Variants in IMPA2 observed in about 807,000 individuals in gnomAD.
The protein encoded by IMPA2 is IMP 2.
In IMPA2, 32 loss-of-function variants were observed where a neutral mutation model predicts 35.1. That is an observed-to-expected ratio of 0.91 (90% CI 0.69 to 1.23). The LOEUF is 1.23. IMPA2 is among the 50% of genes most tolerant of loss of function. The pLI is 0.00. For missense variants in IMPA2, 334 were observed against 387.6 expected, an observed-to-expected ratio of 0.86 and a Z score of 1.16; for synonymous variants, 135 against 160.6, an observed-to-expected ratio of 0.84 and a Z score of 1.20.
At chr18:11,990,904 G>A (rs1016604182) in intron 1 of IMPA2, among the ~76,000 whole-genome samples, 3 of 152,180 alleles carry the variant, frequency 2.0e-5, no homozygotes, top group Admixed American at 1.3e-4. Flanking sequence ...TTAACGTGGA[G>A]AATAATTTTT....
At chr18:11,983,992 T>G (rs1246098661) in intron 1 of IMPA2, among the ~76,000 whole-genome samples, 1 of 152,116 alleles carries the variant, frequency 6.6e-6, no homozygotes, top group Non-Finnish European at 1.5e-5. Flanking sequence ...ATGCTCACCC[T>G]TCACTAGCAC....
chr18:11,983,714 C>G (rs918854715), intron 1 of IMPA2, among the ~76,000 whole-genome samples: 12 of 152,080 alleles, frequency 7.9e-5, no homozygotes, highest in Non-Finnish European at 1.6e-4. Context: ...GGGGCTCCCC[C>G]TCAGGCATTA....
At chr18:12,018,565 A>C (rs1907644490) in intron 5 of IMPA2, among the ~76,000 whole-genome samples, 1 of 152,040 alleles carries the variant, frequency 6.6e-6, no homozygotes, top group African/African-American at 2.4e-5. Context: ...ACCCATTCAT[A>C]CTCCTAAAAA....
rs111479640 is a variant in IMPA2, at chr18:11,991,621, G to A, written c.97-7433G>A. ...AGGGTGGGCTGGCAGCTGGAGACGC[G>A]GAGAGACAGCTGATGTTCCAGTTTG... On this transcript the variant is annotated intron_variant, in intron 1 of 7. Coordinates refer to ENST00000269159, the MANE Select transcript of IMPA2 (RefSeq NM_014214.3). The surrounding 1 kb of genome is among the most constrained non-coding windows in gnomAD (Gnocchi z 4.1). 1.9e-3 allele frequency among the ~76,000 whole-genome samples: 294 copies of A among 152,302 alleles called. 1 individual carries two copies. The highest frequency in any genetic ancestry group is 6.6e-3 in the African/African-American group (276 of 41,562).
chr18:11,981,993 G>A (rs1055541100), intron 1 of IMPA2, among the ~76,000 whole-genome samples: 5 of 152,252 alleles, frequency 3.3e-5, no homozygotes, highest in Non-Finnish European at 7.3e-5. Flanking sequence ...CCTCTGCTTT[G>A]GAGTTCAGCG....
intron 5 of IMPA2, 86 bp from the exon 6 acceptor site, chr18:12,027,957 A>G: frequency 2.5e-6 from 2 of 813,430 alleles, no homozygotes; most frequent in Non-Finnish European, 4.2e-6. Context: ...TACTCTGAGA[A>G]AGAAAGGCTC....
chr18:12,017,061 C>T (rs1195018870), intron 5 of IMPA2, among the ~76,000 whole-genome samples: 3 of 152,196 alleles, frequency 2.0e-5, no homozygotes, highest in Admixed American at 2.0e-4. Context: ...CTTCCCCTTT[C>T]TTATTTCTAT....
rs560220253 is a variant in IMPA2, at chr18:11,986,916, A to G, written c.96+5151A>G. On this transcript the variant is annotated intron_variant, in intron 1 of 7. Transcript: ENST00000269159. ...GCCATGCAGATGTAACTCATGGTTC[A>G]GCCCGGCAGTGTATTCCTTTCTTTC... Among the ~76,000 whole-genome samples, 11 of 152,368 alleles carry G rather than the reference A, an allele frequency of 7.2e-5. No homozygotes were observed. The South Asian group carries it at 2.1e-3, about 29-fold the overall frequency.
chr18:11,990,506 A>G (rs638063), intron 1 of IMPA2, among the ~76,000 whole-genome samples: 57,575 of 151,918 alleles, frequency 0.38, 12,276 homozygotes, highest in East Asian at 0.61. Flanking sequence ...CACTTTGGCT[A>G]AAGTTTGAGG....
chr18:12,018,529 T>G (rs1453068096), intron 5 of IMPA2, among the ~76,000 whole-genome samples: 2 of 152,236 alleles, frequency 1.3e-5, no homozygotes, highest in Non-Finnish European at 2.9e-5. Context: ...GTATAGCATT[T>G]TTAAAGCTTT....
At chr18:12,024,673 T>G (rs9962677) in intron 5 of IMPA2, among the ~76,000 whole-genome samples, 7,305 of 152,148 alleles carry the variant, frequency 0.048, 605 homozygotes, top group African/African-American at 0.17. Context: ...CCCATTTTTT[T>G]CTTTTCTCCT....
chr18:12,028,810 G>A lies in IMPA2; in HGVS notation c.600-32G>A, dbSNP rs45611237. On this transcript the variant is annotated intron_variant, in intron 6 of 7. Coordinates refer to ENST00000269159, the MANE Select transcript of IMPA2 (RefSeq NM_014214.3). ...ACACCACAGAAAAGGCTCCACTCCC[G>A]CCTGCATCTGTCCTCCCTTCCCTCT... 6,156 of 1,607,324 alleles carry A rather than the reference G, an allele frequency of 3.8e-3. 74 individuals carry two copies. In the African/African-American group the frequency reaches 0.041, roughly 11 times the overall value.
At chr18:12,006,702 A>AT (rs1907256506) in intron 2 of IMPA2, among the ~76,000 whole-genome samples, 1 of 152,106 alleles carries the variant, frequency 6.6e-6, no homozygotes, top group Non-Finnish European at 1.5e-5. Flanking sequence ...TTTCTAGATA[A>AT]TTTATCAGCA....
chr18:12,009,738 A>G (rs1907379524), intron 2 of IMPA2, 145 bp from the exon 3 acceptor site: 1 of 677,078 alleles, frequency 1.5e-6, no homozygotes, highest in South Asian at 1.7e-5. Context: ...GGTTGTTTAA[A>G]GACTCTGCCT....
At position 12,010,165 on chromosome 18, in the gene IMPA2, T is replaced by A; in HGVS notation, c.335+178T>A. The A allele has an allele frequency of 1.9e-6, 1 of 527,100 alleles. No homozygotes were observed. The highest frequency in any genetic ancestry group is 3.6e-5 in the Admixed American group (1 of 28,036). The allele number at this position is 527,100 out of a possible 1,614,324, so 32.7% of individuals were successfully genotyped here. ...ATATTTTTAAAATAAGGTTTTCCGT[T>A]TGTGAGAGGCTCTTGGAGTATGTTA... is the stretch of plus-strand genomic sequence containing the variant. On this transcript the variant is annotated intron_variant, in intron 3 of 7. Coordinates refer to ENST00000269159, the MANE Select transcript of IMPA2 (RefSeq NM_014214.3). The surrounding 1 kb of genome is among the most constrained non-coding windows in gnomAD (Gnocchi z 4.8).
rs1279111310 is a variant in IMPA2, at chr18:12,010,011, C to T, written c.335+24C>T. ...AGGTGAGCTGAGCAGGGATCGCCTC[C>T]ATTGCAGGGCTTAACATGTCCTCTT... On this transcript the variant is annotated intron_variant, in intron 3 of 7. Transcript: ENST00000269159. This position sits in a 1 kb window ranked among gnomAD's most constrained non-coding sequence, Gnocchi z 4.8. The T allele has an allele frequency of 4.6e-6, 7 of 1,538,390 alleles. No individual in the cohort carries two copies. In the East Asian group the frequency reaches 1.6e-4, roughly 35 times the overall value.
chr18:12,028,110 C>T lies in IMPA2; in HGVS notation c.558C>T (p.Phe186=), dbSNP rs2075825. The change falls in exon 6 of 8, where the codon TTC becomes TTT. Residue 186 remains phenylalanine, a synonymous_variant. Coordinates refer to ENST00000269159, the MANE Select transcript of IMPA2 (RefSeq NM_014214.3). ...GTGACCCTGCGACCCTGAAGCTGTT[C>T]CTGAGTAACATGGAGCGGCTGCTGC... is the stretch of plus-strand genomic sequence containing the variant. The part of the protein sequence containing the change: ...PKRDPATLKL[F]LSNMERLLHA... 3.6e-3 allele frequency: 5,868 copies of T among 1,614,006 alleles called. 222 individuals are homozygous for T. In the East Asian group the frequency reaches 0.095, roughly 26 times the overall value.
intron 1 of IMPA2, among the ~76,000 whole-genome samples, chr18:11,996,413 G>T (rs773038260): frequency 7.2e-5 from 11 of 152,170 alleles, no homozygotes; most frequent in Non-Finnish European, 1.5e-4. Flanking sequence ...GCTGCGTAGA[G>T]GCTGCAAGTG....
chr18:12,015,575 C>T (rs1907555826), intron 5 of IMPA2, among the ~76,000 whole-genome samples: 1 of 152,158 alleles, frequency 6.6e-6, no homozygotes, highest in Non-Finnish European at 1.5e-5. Flanking sequence ...GAGGAGGTGG[C>T]TGCAGGAGAG....
Sources: gnomAD v4.1 joint callset for allele counts (sites outside exome capture counted in the v4.1 genomes callset) on GRCh38, gnomAD v4.1.1 for gene constraint, Gnocchi (gnomAD v3.1) non-coding constraint, MANE v1.5 for transcripts, NCBI Gene and HGNC (gene_info 2026-07-23, HGNC 2026-07-21) for gene names.